FAM193A: variants seen among roughly 807,000 people sequenced by gnomAD.
The protein encoded by FAM193A is protein FAM193A.
FAM193A carries 22 observed loss-of-function variants against 126.5 expected under a neutral mutation model. The ratio of observed to expected loss-of-function variants is 0.17; its 90% CI spans 0.12 to 0.25. FAM193A has a LOEUF of 0.25. FAM193A is among the 10% of genes least tolerant of loss of function. The pLI, the probability that FAM193A is intolerant of heterozygous loss-of-function variation, is 1.00. For missense variants in FAM193A, 1,675 were observed against 1,672.8 expected, an observed-to-expected ratio of 1.00 and a Z score of -0.02; for synonymous variants, 761 against 646.8, an observed-to-expected ratio of 1.18 and a Z score of -2.68.
chr4:2,591,387 G>T (rs377229511), intron 1 of FAM193A, among the ~76,000 whole-genome samples: 1 of 152,096 alleles, frequency 6.6e-6, no homozygotes, highest in Admixed American at 6.6e-5. Flanking sequence ...AGGAACAATC[G>T]AAGGGTTTAA....
At position 2,727,686 on chromosome 4, in the gene FAM193A, C is replaced by T. The variant is rs533823017; in HGVS notation, c.4455-4089C>T. On this transcript the variant is annotated intron_variant, in intron 20 of 20. Coordinates refer to ENST00000637812, the MANE Select transcript of FAM193A (RefSeq NM_001366318.2). ...ATACTGGGTATTGTTGAGCTGAAGA[C>T]AGAGTGCAGGGGCTCTCTCTACCTC... Among the ~76,000 whole-genome samples, 16 of 152,326 alleles carry T rather than the reference C, an allele frequency of 1.1e-4. No individual in the cohort carries two copies. The East Asian group carries it at 1.2e-3, about 11-fold the overall frequency.
At chr4:2,607,933 A>T (rs1223822115) in intron 2 of FAM193A, 1 of 1,341,138 alleles carries the variant, frequency 7.5e-7, no homozygotes, top group East Asian at 2.5e-5. Flanking sequence ...GTGTCGCTTT[A>T]TGAACACAGA....
rs77902008 is a variant in FAM193A at position 2,659,186 on chromosome 4, G to A, written c.1390-372G>A. 3.0e-4 allele frequency among the ~76,000 whole-genome samples: 46 copies of A among 152,200 alleles called. 1 individual carries two copies. The East Asian group carries it at 6.6e-3, about 22-fold the overall frequency. On this transcript the variant is annotated intron_variant, in intron 8 of 20. Transcript: ENST00000637812. The stretch of plus-strand genomic sequence containing the variant: ...GAGGTGCCATTTCCTCAATAGCTCC[G>A]AGGCCGACCCCTTGCCCTCCACGTG...
rs1243615815 is a variant in FAM193A at position 2,700,956 on chromosome 4, C to G, written c.4372+412C>G. 2.0e-5 allele frequency among the ~76,000 whole-genome samples: 3 copies of G among 151,098 alleles called. No homozygotes were observed. In the East Asian group the frequency reaches 5.8e-4, roughly 29 times the overall value. On this transcript the variant is annotated intron_variant, in intron 19 of 20. Transcript: ENST00000637812. The stretch of plus-strand genomic sequence containing the variant: ...CTCCAGCGTGGGTGACAGAGAGACT[C>G]CATCTCAAAAAATACATATAGAGAG...
At chr4:2,643,310 C>T (rs1020641850) in intron 6 of FAM193A, among the ~76,000 whole-genome samples, 1 of 152,022 alleles carries the variant, frequency 6.6e-6, no homozygotes, top group Non-Finnish European at 1.5e-5. Flanking sequence ...CATACAAACA[C>T]CCCTTAAAGC....
chr4:2,578,264 T>C (rs903285668), intron 1 of FAM193A, among the ~76,000 whole-genome samples: 18 of 152,178 alleles, frequency 1.2e-4, no homozygotes, highest in Non-Finnish European at 2.2e-4. Flanking sequence ...ATAATATTTT[T>C]CTGATTTTAA....
intron 20 of FAM193A, among the ~76,000 whole-genome samples, chr4:2,729,595 C>A (rs908254448): frequency 7.2e-5 from 11 of 152,198 alleles, no homozygotes; most frequent in Non-Finnish European, 1.6e-4. Context: ...TGGTCAGATT[C>A]TTTCGTCTGA....
chr4:2,642,858 G>A (rs539205142), intron 6 of FAM193A, among the ~76,000 whole-genome samples: 16 of 151,154 alleles, frequency 1.1e-4, no homozygotes, highest in African/African-American at 2.7e-4. Context: ...TCAGCCTCCC[G>A]AGTAGCTGGG....
In FAM193A at chr4:2,699,414, C is replaced by T. The variant is rs1424627819; in HGVS notation, c.3508-266C>T. Among the ~76,000 whole-genome samples, 6 of 140,780 alleles carry T rather than the reference C, an allele frequency of 4.3e-5. 1 individual carries two copies. Among genetic ancestry groups the T allele is most frequent in the African/African-American group, 7.9e-5 (3 of 37,834 alleles). The allele number at this position is 140,780 out of a possible 152,430, so 92.4% of individuals were successfully genotyped here. A position where few individuals can be genotyped will look rare whatever the true frequency, so the allele number is the denominator to read the frequency against. ...TGTTTAGTACCAGGTCAAAGGCTAT[C>T]GGGAATTTTTTGTTAACTACCACCC... On this transcript the variant is annotated intron_variant, in intron 18 of 20. Coordinates refer to ENST00000637812, the MANE Select transcript of FAM193A (RefSeq NM_001366318.2).
At chr4:2,729,013 A>AGCAGGG (rs2109439373) in intron 20 of FAM193A, among the ~76,000 whole-genome samples, 1 of 143,726 alleles carries the variant, frequency 7.0e-6, no homozygotes, top group African/African-American at 2.6e-5. Context: ...GTCAGGTGTG[A>AGCAGGG]GCAGGGCAGG....
chr4:2,671,797 CTG>C (rs1484697093), intron 12 of FAM193A, among the ~76,000 whole-genome samples: 1 of 152,238 alleles, frequency 6.6e-6, no homozygotes. Flanking sequence ...CCTCTCTACT[CTG>C]TCGTCTTCAC....
chr4:2,690,800 A>G lies in FAM193A; in HGVS notation c.2633A>G (p.Lys878Arg). 1 of 1,614,184 alleles carries G rather than the reference A, an allele frequency of 6.2e-7. No individual in the cohort carries two copies. Among genetic ancestry groups the G allele is most frequent in the South Asian group, 1.1e-5 (1 of 91,088 alleles). Residue 878 changes from lysine to arginine, a missense_variant, in exon 15 of 21, where the codon AAG becomes AGG. Lys to Arg is a conservative substitution (Grantham distance 26). Transcript: ENST00000637812. ...GCAGTCTCGGATAGTAAAGAGAAAA[A>G]GAATGCTGCAAAAAAGAAATGTTTA... ...TPAVSDSKEKKNAAKKKCLYN... is the reference protein window; with the variant it reads ...TPAVSDSKEKRNAAKKKCLYN...
At chr4:2,719,526 A>C (rs1347567310) in intron 20 of FAM193A, among the ~76,000 whole-genome samples, 2 of 152,092 alleles carry the variant, frequency 1.3e-5, no homozygotes, top group Non-Finnish European at 2.9e-5. Context: ...CGGGCGGATC[A>C]CCTGAGGTTG....
At chr4:2,544,849 G>C (rs1737449272) in intron 1 of FAM193A, among the ~76,000 whole-genome samples, 2 of 151,716 alleles carry the variant, frequency 1.3e-5, no homozygotes, top group African/African-American at 2.4e-5. Flanking sequence ...CTTCAACCTG[G>C]GTGACAGGGA....
chr4:2,652,872 G>A (rs768199130), intron 7 of FAM193A, among the ~76,000 whole-genome samples: 4 of 152,244 alleles, frequency 2.6e-5, no homozygotes, highest in Non-Finnish European at 2.9e-5. Context: ...TGAAAGAGAA[G>A]GAAGATGAAC....
intron 1 of FAM193A, among the ~76,000 whole-genome samples, chr4:2,594,202 C>T (rs1259714796): frequency 6.6e-6 from 1 of 152,190 alleles, no homozygotes; most frequent in Non-Finnish European, 1.5e-5. Context: ...TTCATTTATA[C>T]ATTCAGCCCC....
chr4:2,720,380 G>A (rs1239874619), intron 20 of FAM193A, among the ~76,000 whole-genome samples: 1 of 152,084 alleles, frequency 6.6e-6, no homozygotes, highest in African/African-American at 2.4e-5. Flanking sequence ...AACAGAGCAC[G>A]GTGGCTCACA....
rs776368968 is a variant in FAM193A, at chr4:2,659,860, C to G, written c.1551C>G (p.Ile517Met). 1.9e-5 allele frequency: 31 copies of G among 1,614,144 alleles called. No homozygotes were observed. The highest frequency in any genetic ancestry group is 2.6e-5 in the Non-Finnish European group (31 of 1,180,004). Residue 517 changes from isoleucine to methionine, a missense_variant, in exon 10 of 21, where the codon ATC (isoleucine) becomes ATG (methionine). Ile to Met is a conservative substitution (Grantham distance 10, BLOSUM62 1). Coordinates refer to ENST00000637812, the MANE Select transcript of FAM193A (RefSeq NM_001366318.2). The stretch of plus-strand genomic sequence containing the variant: ...TCTCACACATCCTCACGTGTGGTAT[C>G]ATGGACCCCCCCGTCACTGATGACA... ...CSLSHILTCG[I>M]MDPPVTDDIH...
intron 4 of FAM193A, 137 bp from the exon 5 acceptor site, chr4:2,630,798 G>A (rs1486021940): frequency 1.7e-6 from 1 of 595,448 alleles, no homozygotes; most frequent in African/African-American, 1.9e-5. Flanking sequence ...GCTTCTCACA[G>A]GTGGTTATGA....
Sources: gnomAD v4.1 joint callset for allele counts (sites outside exome capture counted in the v4.1 genomes callset) on GRCh38, gnomAD v4.1.1 for gene constraint, MANE v1.5 for transcripts, NCBI Gene and HGNC (gene_info 2026-07-23, HGNC 2026-07-21) for gene names.